The following ZPLD1 variants were observed in gnomAD, a reference collection of about 807,000 sequenced individuals.
ZPLD1 encodes the protein zona pellucida like domain containing 1.
In ZPLD1, 34 loss-of-function variants were observed where a neutral mutation model predicts 47.2. The observed-to-expected ratio is 0.72, with a 90% CI of 0.55 to 0.96. The LOEUF is 0.96. Ranked by LOEUF, ZPLD1 falls within the 40% of genes least tolerant of loss-of-function variation. The pLI, the probability that ZPLD1 is intolerant of heterozygous loss-of-function variation, is 0.00. For missense variants in ZPLD1, 512 were observed against 505.8 expected, an observed-to-expected ratio of 1.01 and a Z score of -0.12; for synonymous variants, 176 against 186.2, an observed-to-expected ratio of 0.95 and a Z score of 0.45.
At chr3:102,463,278 A>G (rs1707538103) in intron 7 of ZPLD1, among the ~76,000 whole-genome samples, 1 of 152,246 alleles carries the variant, frequency 6.6e-6, no homozygotes, top group African/African-American at 2.4e-5. Context: ...TGTGGACTCC[A>G]CAATCGCCAA....
At chr3:102,455,297 A>G (rs115965115) in intron 4 of ZPLD1, among the ~76,000 whole-genome samples, 239 of 152,340 alleles carry the variant, frequency 1.6e-3, no homozygotes, top group Middle Eastern at 3.4e-3. Context: ...TGGTATTATG[A>G]AGGTCAAAAA....
Position 102,456,211 on chromosome 3 carries a change from G to A in ZPLD1, c.346G>A (p.Val116Ile), listed in dbSNP as rs1248305534. 2 of 1,613,230 alleles carry A rather than the reference G, an allele frequency of 1.2e-6. No individual in the cohort carries two copies. The highest frequency in any genetic ancestry group is 1.7e-6 in the Non-Finnish European group (2 of 1,179,686). Reference protein sequence around the residue: ...NNLVVSTIPGVSAYGNATSVQ... With the variant: ...NNLVVSTIPGISAYGNATSVQ... The stretch of plus-strand genomic sequence containing the variant: ...CTAACAGGTATCCACAATTCCTGGA[G>A]TCAGTGCTTATGGAAATGCAACTTC... The change falls in exon 5 of 12, where the codon GTC becomes ATC. Residue 116 changes from valine to isoleucine, a missense_variant. Physicochemically the swap from Val to Ile is conservative, Grantham distance 29. Transcript: ENST00000466937.
intron 8 of ZPLD1, among the ~76,000 whole-genome samples, chr3:102,427,833 G>A (rs1374833322): frequency 3.9e-5 from 6 of 152,150 alleles, no homozygotes; most frequent in Admixed American, 3.3e-4. Flanking sequence ...TGAGGCTCCA[G>A]AAGTTGTTGG....
chr3:102,429,689 G>A (rs1215905749), intron 8 of ZPLD1, among the ~76,000 whole-genome samples: 1 of 152,178 alleles, frequency 6.6e-6, no homozygotes, highest in Non-Finnish European at 1.5e-5. Flanking sequence ...TTCTTGAGAT[G>A]TGTGCTGGAA....
intron 6 of ZPLD1, among the ~76,000 whole-genome samples, chr3:102,459,794 TTG>T (rs1707478434): frequency 6.6e-6 from 1 of 152,118 alleles, no homozygotes; most frequent in Non-Finnish European, 1.5e-5. Context: ...TATTTACATC[TTG>T]TGTTAGTGTG....
chr3:102,414,912 A>ATTG (rs1706787705), intron 7 of ZPLD1, among the ~76,000 whole-genome samples: 2 of 151,934 alleles, frequency 1.3e-5, no homozygotes, highest in Admixed American at 1.3e-4. Flanking sequence ...GTACAATACA[A>ATTG]TAAAACTTTA....
Position 102,477,446 on chromosome 3 carries a change from C to T in ZPLD1, c.1076C>T (p.Ser359Phe), listed in dbSNP as rs1359806391. ...GGGTGTGTTTTATTATTTGCAGGTT[C>T]TCCAAGTATGCCTCCCTTCCAGCTG... The part of the protein sequence containing the change: ...ETPTNNSQLG[S>F]PSMPPFQLNA... The change falls in exon 12 of 12, where the codon TCT becomes TTT. Residue 359 changes from serine (S) to phenylalanine (F), a missense_variant. Ser to Phe is a radical substitution (Grantham distance 155). Transcript: ENST00000466937. The T allele has an allele frequency of 6.2e-7, 1 of 1,611,264 alleles. No individual in the cohort carries two copies. Among genetic ancestry groups the T allele is most frequent in the Admixed American group, 1.7e-5 (1 of 59,438 alleles).
chr3:102,460,184 T>C (rs1707484683), intron 6 of ZPLD1, among the ~76,000 whole-genome samples: 1 of 152,070 alleles, frequency 6.6e-6, no homozygotes, highest in Non-Finnish European at 1.5e-5. Flanking sequence ...TTATAATCTT[T>C]TGAAGCCATT....
At chr3:102,417,817 A>C (rs958051198) in intron 7 of ZPLD1, among the ~76,000 whole-genome samples, 1 of 151,786 alleles carries the variant, frequency 6.6e-6, no homozygotes, top group African/African-American at 2.4e-5. Context: ...GGCTGATGAT[A>C]GCTCACTTCA....
chr3:102,435,903 G>C (rs1576145532), intron 1 of ZPLD1, among the ~76,000 whole-genome samples: 1 of 152,052 alleles, frequency 6.6e-6, no homozygotes, highest in Admixed American at 6.5e-5. Flanking sequence ...CGGCCTCCCA[G>C]AGTGCTGGGA....
intron 7 of ZPLD1, among the ~76,000 whole-genome samples, chr3:102,395,832 A>G (rs1382551518): frequency 6.6e-6 from 1 of 152,144 alleles, no homozygotes; most frequent in African/African-American, 2.4e-5. Flanking sequence ...AATTTGTATC[A>G]ATTGTATATT....
chr3:102,398,506 C>T (rs1224807453), intron 7 of ZPLD1, among the ~76,000 whole-genome samples: 1 of 152,080 alleles, frequency 6.6e-6, no homozygotes, highest in African/African-American at 2.4e-5. Flanking sequence ...CAATAATCTC[C>T]TAACTGGCCT....
chr3:102,397,579 T>G (rs1576124839), intron 7 of ZPLD1, among the ~76,000 whole-genome samples: 1 of 152,176 alleles, frequency 6.6e-6, no homozygotes, highest in Non-Finnish European at 1.5e-5. Context: ...GCCTTAAATT[T>G]TGACAAGTAG....
intron 3 of ZPLD1, among the ~76,000 whole-genome samples, chr3:102,449,063 C>T (rs1707298844): frequency 6.6e-6 from 1 of 152,224 alleles, no homozygotes; most frequent in South Asian, 2.1e-4. Flanking sequence ...CACATGTCCT[C>T]ATTGCCTGCT....
intron 5 of ZPLD1, 146 bp from the exon 6 acceptor site, chr3:102,457,635 A>G: frequency 3.1e-6 from 2 of 637,010 alleles, no homozygotes; most frequent in Non-Finnish European, 5.4e-6. Flanking sequence ...TTATCTGTTC[A>G]GAGATTTAAA....
Position 102,452,965 on chromosome 3 carries a change from G to A in ZPLD1, c.153G>A (p.Met51Ile). The change falls in exon 4 of 12, where the codon ATG becomes ATA. Residue 51 changes from methionine (M) to isoleucine (I), a missense_variant. By Grantham distance (10) the Met-to-Ile change is conservative. Transcript: ENST00000466937. The stretch of plus-strand genomic sequence containing the variant: ...ATTGTGGAGTGCAGGCTATTACGAT[G>A]AAGATTAATTTTTGCACGGTACTTT... ...SVYCGVQAIT[M>I]KINFCTVLFS... The A allele has an allele frequency of 3.7e-6, 6 of 1,614,082 alleles. No individual in the cohort carries two copies. Among genetic ancestry groups the A allele is most frequent in the Non-Finnish European group, 5.1e-6 (6 of 1,179,966 alleles).
chr3:102,450,886 T>A (rs867672755), intron 3 of ZPLD1, among the ~76,000 whole-genome samples: 14 of 152,366 alleles, frequency 9.2e-5, no homozygotes, highest in South Asian at 4.1e-4. Flanking sequence ...TTAGAAATTA[T>A]CTTTGCATTT....
upstream of ZPLD1, chr3:102,434,875 A>G: frequency 2.2e-6 from 1 of 463,228 alleles, no homozygotes; most frequent in East Asian, 3.2e-5. Context: ...AGTAAACCAC[A>G]GAATCAGGTT....
At chr3:102,457,906 A>G (rs1707444288) in intron 6 of ZPLD1, 53 bp downstream of exon 6, 3 of 1,531,470 alleles carry the variant, frequency 2.0e-6, no homozygotes, top group Non-Finnish European at 2.7e-6. Flanking sequence ...GTGAGGAGTC[A>G]TTTATGTGAA....
Sources: gnomAD v4.1 joint callset for allele counts (sites outside exome capture counted in the v4.1 genomes callset) on GRCh38, gnomAD v4.1.1 for gene constraint, MANE v1.5 for transcripts, NCBI Gene and HGNC (gene_info 2026-07-23, HGNC 2026-07-21) for gene names.